Variants in PCDHA3 observed in about 807,000 individuals in gnomAD.
PCDHA3 encodes the protein protocadherin alpha 3.
A neutral mutation model predicts 62.2 loss-of-function variants in PCDHA3; 41 were observed. That is an observed-to-expected ratio of 0.66 (90% CI 0.51 to 0.86). The LOEUF (loss-of-function observed/expected upper bound fraction) is 0.86, where lower values mean the gene tolerates loss of function less well. Ranked by LOEUF, PCDHA3 falls within the 40% of genes least tolerant of loss-of-function variation. The pLI is 0.00. For missense variants in PCDHA3, 1,304 were observed against 1,241.2 expected, an observed-to-expected ratio of 1.05 and a Z score of -0.76; for synonymous variants, 640 against 555.4, an observed-to-expected ratio of 1.15 and a Z score of -2.14.
At chr5:140,833,148 T>A (rs145941830) in intron 1 of PCDHA3, among the ~76,000 whole-genome samples, 2 of 152,132 alleles carry the variant, frequency 1.3e-5, no homozygotes, top group Admixed American at 1.3e-4. Context: ...TGTGAAGCAA[T>A]ACGAATAAAA....
intron 1 of PCDHA3, among the ~76,000 whole-genome samples, chr5:140,959,188 G>A (rs782018838): frequency 6.6e-6 from 1 of 151,982 alleles, no homozygotes; most frequent in Non-Finnish European, 1.5e-5. Context: ...ACCAGTCTGG[G>A]CAACATGGTG....
intron 1 of PCDHA3, chr5:140,884,703 A>C: frequency 1.3e-6 from 2 of 1,495,534 alleles, no homozygotes; most frequent in Non-Finnish European, 1.8e-6. Flanking sequence ...TAAACACTTT[A>C]GCCTTCCTTG....
At chr5:141,000,639 G>A (rs1375900945) in intron 3 of PCDHA3, among the ~76,000 whole-genome samples, 2 of 151,186 alleles carry the variant, frequency 1.3e-5, no homozygotes, top group East Asian at 1.9e-4. Flanking sequence ...TGTTGGGCAG[G>A]CTGGTCTCGA....
At chr5:140,871,596 C>G in intron 1 of PCDHA3, 2 of 1,453,962 alleles carry the variant, frequency 1.4e-6, no homozygotes, top group South Asian at 2.9e-5. Flanking sequence ...TATGAATAAC[C>G]AGTGTTTTGA....
intron 1 of PCDHA3, chr5:140,860,872 G>C (rs923006368): frequency 1.3e-5 from 2 of 152,288 alleles, no homozygotes; most frequent in African/African-American, 4.8e-5. Context: ...GGAGTAGCTG[G>C]GACTACAGGT....
At chr5:140,927,688 G>C in intron 1 of PCDHA3, 1 of 1,614,062 alleles carries the variant, frequency 6.2e-7, no homozygotes, top group Non-Finnish European at 8.5e-7. Context: ...AGGGTCCAAT[G>C]GGGAAGTCCA....
At chr5:140,806,727 CAGTT>C (rs1763774653) in intron 1 of PCDHA3, among the ~76,000 whole-genome samples, 1 of 152,180 alleles carries the variant, frequency 6.6e-6, no homozygotes, top group Non-Finnish European at 1.5e-5. Context: ...CAACAGTTTA[CAGTT>C]ACATGTTTAC....
At chr5:140,967,506 T>G in intron 1 of PCDHA3, 7 of 1,612,946 alleles carry the variant, frequency 4.3e-6, no homozygotes, top group Non-Finnish European at 5.9e-6. Context: ...TCTGTGCGTG[T>G]CCTGGACACT....
Position 140,883,205 on chromosome 5 carries a change from A to G in PCDHA3, c.2394+79614A>G, listed in dbSNP as rs1402031440. 5 of 1,613,918 alleles carry G rather than the reference A, an allele frequency of 3.1e-6. No individual in the cohort carries two copies. In the African/African-American group the frequency reaches 6.7e-5, roughly 22 times the overall value. On this transcript the variant is annotated intron_variant, in intron 1 of 3. Transcript: ENST00000522353. Reference sequence around the variant, plus strand: ...AAAAGGCAAACTAGATTTCGAAGAAAAGAAATTATATGAAATATCCGTGGA... The same window carrying G: ...AAAAGGCAAACTAGATTTCGAAGAAGAGAAATTATATGAAATATCCGTGGA...
intron 1 of PCDHA3, among the ~76,000 whole-genome samples, chr5:140,913,241 T>C (rs1325092057): frequency 6.6e-6 from 1 of 152,226 alleles, no homozygotes; most frequent in African/African-American, 2.4e-5. Context: ...GGGAGACTTT[T>C]TGTTACAACT....
chr5:140,823,764 A>G (rs2150128918), intron 1 of PCDHA3: 1 of 1,613,830 alleles, frequency 6.2e-7, no homozygotes, highest in Non-Finnish European at 8.5e-7. Context: ...CCACAGCCAC[A>G]GTGCTGGTGT....
chr5:140,854,000 CA>C (rs112540154), intron 1 of PCDHA3: 19,868 of 339,900 alleles, frequency 0.058, 122 homozygotes, highest in Non-Finnish European at 0.062. Context: ...TCATCTCTGC[CA>C]AAAAAAAAAA....
rs782413772 is a variant in PCDHA3, at chr5:140,809,173, G to A, written c.2394+5582G>A. ...ACGGCGAGCCCGCGCTGACGGCCAC[G>A]GCCACTGTGCTGGTGTCACTTGTGG... On this transcript the variant is annotated intron_variant, in intron 1 of 3. Coordinates refer to ENST00000522353, the MANE Select transcript of PCDHA3 (RefSeq NM_018906.3). 4.3e-6 allele frequency: 7 copies of A among 1,613,974 alleles called. No homozygotes were observed. In the South Asian group the frequency reaches 6.6e-5, roughly 15 times the overall value.
intron 1 of PCDHA3, chr5:140,967,709 G>T: frequency 6.2e-7 from 1 of 1,614,140 alleles, no homozygotes; most frequent in Non-Finnish European, 8.5e-7. Context: ...TGCCAGTACC[G>T]GGGAAGTGCG....
intron 1 of PCDHA3, chr5:140,822,334 G>C: frequency 6.2e-7 from 1 of 1,614,120 alleles, no homozygotes; most frequent in Non-Finnish European, 8.5e-7. Flanking sequence ...AAATGAAGAA[G>C]AAACGAACTT....
chr5:140,877,096 G>C (rs1554169320), intron 1 of PCDHA3: 1 of 1,613,378 alleles, frequency 6.2e-7, no homozygotes, highest in Non-Finnish European at 8.5e-7. Flanking sequence ...CGACGCCGGC[G>C]TGCCGCCTCT....
In PCDHA3 at chr5:141,010,329, G is replaced by C; in HGVS notation, c.*392G>C. On this transcript the variant is annotated 3_prime_UTR_variant, in exon 4 of 4. Coordinates refer to ENST00000522353, the MANE Select transcript of PCDHA3 (RefSeq NM_018906.3). ...AGTTTTGAGATTGAGCAGCTTGGGAGTTTGTGGCCACTGGGTATGTGTGGC... is the reference window on the plus strand; with the variant it reads ...AGTTTTGAGATTGAGCAGCTTGGGACTTTGTGGCCACTGGGTATGTGTGGC... 6.5e-7 allele frequency: 1 copy of C among 1,538,672 alleles called. No individual in the cohort carries two copies. Among genetic ancestry groups the C allele is most frequent in the Non-Finnish European group, 8.8e-7 (1 of 1,142,532 alleles).
intron 1 of PCDHA3, chr5:140,855,749 C>T (rs2043605580): frequency 3.1e-6 from 1 of 325,346 alleles, no homozygotes. Context: ...TAATGTGAGG[C>T]TTTGAAAGTC....
At chr5:140,974,856 C>G (rs2096643713) in intron 1 of PCDHA3, among the ~76,000 whole-genome samples, 1 of 152,104 alleles carries the variant, frequency 6.6e-6, no homozygotes, top group African/African-American at 2.4e-5. Context: ...TTCCCTTTTG[C>G]CTTAATGCGG....
Sources: gnomAD v4.1 joint callset for allele counts (sites outside exome capture counted in the v4.1 genomes callset) on GRCh38, gnomAD v4.1.1 for gene constraint, MANE v1.5 for transcripts, NCBI Gene and HGNC (gene_info 2026-07-23, HGNC 2026-07-21) for gene names.